PER3: variants seen among roughly 807,000 people sequenced by gnomAD.
PER3 encodes period circadian regulator 3, also known as period circadian protein homolog 3.
A neutral mutation model predicts 127.2 loss-of-function variants in PER3; 107 were observed. That is an observed-to-expected ratio of 0.84 (90% CI 0.72 to 0.99). The LOEUF (loss-of-function observed/expected upper bound fraction) is 0.99, where lower values mean the gene tolerates loss of function less well. PER3 is among the 50% of genes least tolerant of loss of function. The pLI is 0.00. For missense variants in PER3, 1,560 were observed against 1,525.8 expected (o/e 1.02, Z -0.37); for synonymous variants, 618 against 585.8 (o/e 1.05, Z -0.79).
At chr1:7,809,483 G>A (rs1410504068) in intron 11 of PER3, among the ~76,000 whole-genome samples, 1 of 151,870 alleles carries the variant, frequency 6.6e-6, no homozygotes, top group African/African-American at 2.4e-5. Context: ...TGTCCTCGGT[G>A]GTTTTCAGAA....
At chr1:7,820,733 T>G (rs1343898732) in intron 16 of PER3, 93 bp downstream of exon 16, 2 of 998,130 alleles carry the variant, frequency 2.0e-6, no homozygotes, top group African/African-American at 3.2e-5. Flanking sequence ...CGCTCGGTTG[T>G]AACTTCTAAA....
chr1:7,808,256 A>C (rs1252606893), intron 10 of PER3, among the ~76,000 whole-genome samples: 2 of 139,958 alleles, frequency 1.4e-5, no homozygotes, highest in South Asian at 2.3e-4. Flanking sequence ...AAAAAAAAAA[A>C]AAACTAGTAT....
intron 6 of PER3, among the ~76,000 whole-genome samples, chr1:7,794,856 A>G (rs1385881238): frequency 6.6e-6 from 1 of 150,540 alleles, no homozygotes; most frequent in Non-Finnish European, 1.5e-5. Flanking sequence ...TTTATGTTAT[A>G]TACATAATAT....
chr1:7,784,916 G>T lies in PER3; in HGVS notation c.39G>T (p.Gly13=), dbSNP rs755830339. 8.4e-5 allele frequency: 129 copies of T among 1,529,070 alleles called. No homozygotes were observed. Among genetic ancestry groups the T allele is most frequent in the Non-Finnish European group, 1.0e-4 (118 of 1,151,084 alleles). 94.7% of individuals were successfully genotyped at this position (1,529,070 alleles called of 1,614,324 possible). Residue 13 remains glycine (G), a synonymous_variant, in exon 2 of 22, where the codon GGG becomes GGT. Transcript: ENST00000377532. ...AAGCTCCTGGCCCCGGGAGACGGGG[G>T]GCTAAGGACGAGGCCCTGGGCGAAG... ...RGEAPGPGRR[G]AKDEALGEES...
At chr1:7,803,268 T>C in intron 9 of PER3, 115 bp downstream of exon 9, 3 of 731,214 alleles carry the variant, frequency 4.1e-6, no homozygotes, top group Non-Finnish European at 7.5e-6. Context: ...ACATTGAAGC[T>C]GCTAAAGCAA....
At chr1:7,806,362 A>G (rs1374978434) in intron 10 of PER3, among the ~76,000 whole-genome samples, 2 of 152,254 alleles carry the variant, frequency 1.3e-5, no homozygotes, top group African/African-American at 4.8e-5. Flanking sequence ...GACTGCAGCC[A>G]AGTTTTCTCT....
intron 11 of PER3, 77 bp downstream of exon 11, chr1:7,809,075 A>G: frequency 2.8e-6 from 2 of 716,164 alleles, no homozygotes; most frequent in East Asian, 5.4e-5. Flanking sequence ...CACTTCACAA[A>G]AATAAACTGT....
At chr1:7,825,182 A>C (rs1249122306) in intron 16 of PER3, among the ~76,000 whole-genome samples, 1 of 151,986 alleles carries the variant, frequency 6.6e-6, no homozygotes, top group African/African-American at 2.4e-5. Context: ...AACCACCCGG[A>C]TGCTGCACCA....
At chr1:7,794,172 T>A (rs768816529) in intron 6 of PER3, among the ~76,000 whole-genome samples, 164 bp downstream of exon 6, 1 of 152,034 alleles carries the variant, frequency 6.6e-6, no homozygotes, top group Non-Finnish European at 1.5e-5. Context: ...AGAAGAGACA[T>A]ACTCATGAGA....
chr1:7,825,529 C>T (rs1462637435), intron 16 of PER3, among the ~76,000 whole-genome samples: 3 of 152,132 alleles, frequency 2.0e-5, no homozygotes, highest in Non-Finnish European at 2.9e-5. Flanking sequence ...GGTTAATGTA[C>T]GTATGTGCCT....
rs527458239 is a variant in PER3 at position 7,834,672 on chromosome 1, G to A, written c.3215-1090G>A. The stretch of plus-strand genomic sequence containing the variant: ...CCTACCTCACTGTGTTGCCCAGGCT[G>A]GTTTCAAACTCCTGGCCTCAAGCAG... On this transcript the variant is annotated intron_variant, in intron 19 of 21. Transcript: ENST00000377532. 2.0e-5 allele frequency among the ~76,000 whole-genome samples: 3 copies of A among 151,960 alleles called. 1 individual carries two copies. The South Asian group carries it at 6.2e-4, about 32-fold the overall frequency.
intron 5 of PER3, 98 bp from the exon 6 acceptor site, chr1:7,793,857 CTT>C (rs1558390796): frequency 9.8e-7 from 1 of 1,015,406 alleles, no homozygotes; most frequent in Non-Finnish European, 1.6e-6. Context: ...ACCTCTCTCT[CTT>C]TTAAAAAATA....
chr1:7,829,534 A>G (rs1456971313), intron 18 of PER3, among the ~76,000 whole-genome samples: 1 of 152,198 alleles, frequency 6.6e-6, no homozygotes, highest in Admixed American at 6.5e-5. Context: ...AAGCACTATG[A>G]TACCACAGTA....
At chr1:7,833,409 G>C (rs2151231986) in intron 19 of PER3, among the ~76,000 whole-genome samples, 1 of 152,302 alleles carries the variant, frequency 6.6e-6, no homozygotes, top group African/African-American at 2.4e-5. Context: ...TTATAGTGCA[G>C]TGAGTTTTTG....
Position 7,793,957 on chromosome 1 carries a change from C to T in PER3, c.593C>T (p.Ala198Val). The T allele has an allele frequency of 6.2e-7, 1 of 1,613,492 alleles. No individual in the cohort carries two copies. The highest frequency in any genetic ancestry group is 8.5e-7 in the Non-Finnish European group (1 of 1,179,384). Residue 198 changes from alanine to valine, a missense_variant and splice_region_variant, in exon 6 of 22, where the codon GCA becomes GTA. Physicochemically the swap from Ala to Val is moderately conservative, Grantham distance 64. Around this residue, in one of 3 missense-constraint regions of PER3, gnomAD observed 1,332 missense variants for 1,223.6 expected, o/e 1.09. Coordinates refer to ENST00000377532, the MANE Select transcript of PER3 (RefSeq NM_001377275.1). ...LPFWNNWTQR[A>V]AARYECAPVK... ...ACTGACCAGGCATCTTTCTTTCTAGCAGCTGCACGGTATGAATGTGCTCCG... is the reference window on the plus strand; with the variant it reads ...ACTGACCAGGCATCTTTCTTTCTAGTAGCTGCACGGTATGAATGTGCTCCG...
chr1:7,835,659 T>TGAG, intron 19 of PER3, 103 bp from the exon 20 acceptor site: 1 of 748,470 alleles, frequency 1.3e-6, no homozygotes, highest in Non-Finnish European at 2.2e-6. Flanking sequence ...TTGGGCTGGC[T>TGAG]GAGGAGGAGG....
intron 13 of PER3, among the ~76,000 whole-genome samples, chr1:7,812,782 T>C (rs946602500): frequency 6.6e-6 from 1 of 152,224 alleles, no homozygotes; most frequent in African/African-American, 2.4e-5. Context: ...AAGGAAGATC[T>C]CTTGCCATTT....
In PER3 at chr1:7,827,826, C is replaced by A. The variant is rs138199888; in HGVS notation, c.2886+11C>A. 1.9e-6 allele frequency: 3 copies of A among 1,580,224 alleles called. No homozygotes were observed. The African/African-American group carries it at 4.0e-5, about 21-fold the overall frequency. ...CCACAAACTGAGTATGTAAGTGATGCTCATTTTCAACACTCAAGTGAGAAA... is the reference window on the plus strand; with the variant it reads ...CCACAAACTGAGTATGTAAGTGATGATCATTTTCAACACTCAAGTGAGAAA... On this transcript the variant is annotated intron_variant, in intron 18 of 21. Coordinates refer to ENST00000377532, the MANE Select transcript of PER3 (RefSeq NM_001377275.1).
At chr1:7,806,512 T>C (rs2097193315) in intron 10 of PER3, among the ~76,000 whole-genome samples, 1 of 151,994 alleles carries the variant, frequency 6.6e-6, no homozygotes, top group South Asian at 2.1e-4. Context: ...TTAAAATACA[T>C]TTTAGTGTCT....
Sources: allele counts gnomAD v4.1 joint callset (sites outside exome capture counted in the v4.1 genomes callset), GRCh38; gene constraint gnomAD v4.1.1; regional missense constraint gnomAD v4.1.1; transcripts MANE v1.5; gene names NCBI Gene and HGNC (gene_info 2026-07-23, HGNC 2026-07-21).